TENM3: variants seen among roughly 807,000 people sequenced by gnomAD.
TENM3 encodes teneurin transmembrane protein 3, also known as teneurin-3.
In TENM3, 63 loss-of-function variants were observed where a neutral mutation model predicts 255.1. That is an observed-to-expected ratio of 0.25 (90% CI 0.20 to 0.30). TENM3 has a LOEUF of 0.30. TENM3 is among the 10% of genes least tolerant of loss of function. TENM3 has a pLI of 1.00. For synonymous variants in TENM3, 1,306 were observed against 1,322.3 expected, an observed-to-expected ratio of 0.99 and a Z score of 0.27; for missense variants, 2,929 against 3,461.1, an observed-to-expected ratio of 0.85 and a Z score of 3.86.
At chr4:181,856,001 AGG>A in the TENM3 span, among the ~76,000 whole-genome samples, 3 of 104,132 alleles carry the variant, frequency 2.9e-5, no homozygotes, top group African/African-American at 9.8e-5. Flanking sequence ...GAGGGAAGGA[AGG>A]AAGGAAGGAA....
the TENM3 span, among the ~76,000 whole-genome samples, chr4:181,872,258 A>T: frequency 7.9e-5 from 12 of 151,480 alleles, no homozygotes; most frequent in East Asian, 2.3e-3. Context: ...TATAATATTT[A>T]TATATCTATA....
chr4:181,980,057 C>A, the TENM3 span: 47 of 152,322 alleles, frequency 3.1e-4, no homozygotes, highest in East Asian at 8.9e-3. Context: ...GAAACTGAAC[C>A]CACTTTGCCT....
intron 1 of TENM3, among the ~76,000 whole-genome samples, chr4:182,181,132 T>C (rs916052657): frequency 6.6e-6 from 1 of 152,104 alleles, no homozygotes; most frequent in African/African-American, 2.4e-5. Flanking sequence ...AACCAACTAA[T>C]AAAACAGTAA....
Position 182,679,673 on chromosome 4 carries a change from T to C in TENM3, c.1334T>C (p.Phe445Ser). 2 of 1,611,924 alleles carry C rather than the reference T, an allele frequency of 1.2e-6. No homozygotes were observed. Among genetic ancestry groups the C allele is most frequent in the Non-Finnish European group, 1.7e-6 (2 of 1,179,410 alleles). The change falls in exon 8 of 28, where the codon TTC becomes TCC. Residue 445 changes from phenylalanine to serine, a missense_variant. Transcript: ENST00000511685. The stretch of plus-strand genomic sequence containing the variant: ...TCCTCGTCCTCCCCCCAGTATGACT[T>C]CGTGGAGCTCCTGGATGGCAGCAGG... Reference protein sequence around the residue: ...GLPPSHTQYDFVELLDGSRLI... With the variant: ...GLPPSHTQYDSVELLDGSRLI...
chr4:181,992,270 A>G, the TENM3 span, among the ~76,000 whole-genome samples: 1 of 152,178 alleles, frequency 6.6e-6, no homozygotes, highest in Non-Finnish European at 1.5e-5. Context: ...TTCAAACAGC[A>G]TGTTTTTAGT....
chr4:182,671,210 C>CAAGA (rs1179127625), intron 6 of TENM3, among the ~76,000 whole-genome samples: 4 of 152,178 alleles, frequency 2.6e-5, no homozygotes, highest in African/African-American at 7.2e-5. Flanking sequence ...CATTATGTTA[C>CAAGA]TCTCCCCATT....
intron 3 of TENM3, among the ~76,000 whole-genome samples, chr4:182,502,565 G>T (rs879553580): frequency 3.3e-5 from 5 of 151,886 alleles, no homozygotes; most frequent in Non-Finnish European, 7.4e-5. Flanking sequence ...GATTTTTACT[G>T]AATTTTCTTT....
At chr4:182,180,271 A>T (rs566640691) in intron 1 of TENM3, among the ~76,000 whole-genome samples, 1 of 152,178 alleles carries the variant, frequency 6.6e-6, no homozygotes, top group Non-Finnish European at 1.5e-5. Flanking sequence ...TGAACTGGAA[A>T]ATGTTGATGT....
At chr4:182,084,757 T>A in the TENM3 span, 1 of 152,220 alleles carries the variant, frequency 6.6e-6, no homozygotes, top group Non-Finnish European at 1.5e-5. Context: ...CAGTTGACCA[T>A]GACATCTTAG....
At chr4:182,704,798 T>C (rs1481498100) in intron 12 of TENM3, among the ~76,000 whole-genome samples, 1 of 151,144 alleles carries the variant, frequency 6.6e-6, no homozygotes, top group Non-Finnish European at 1.5e-5. Flanking sequence ...TTAAAGCACG[T>C]GTGCACACAT....
chr4:181,670,038 A>T, the TENM3 span, among the ~76,000 whole-genome samples: 1 of 152,208 alleles, frequency 6.6e-6, no homozygotes, highest in Non-Finnish European at 1.5e-5. Flanking sequence ...ATTTTCATAG[A>T]TATACTTTTT....
rs1169743228 is a variant in TENM3, at chr4:182,801,042, A to G, written c.*691A>G. 2 of 152,698 alleles carry G rather than the reference A, an allele frequency of 1.3e-5. No homozygotes were observed. The highest frequency in any genetic ancestry group is 2.4e-5 in the African/African-American group (1 of 41,474). 9.5% of individuals were successfully genotyped at this position (152,698 alleles called of 1,614,324 possible). ...TGGATTTTTATATGAATTACAATTT[A>G]CTGTACATCAAATCTTAGTCTCAGA... On this transcript the variant is annotated 3_prime_UTR_variant, in exon 28 of 28. Coordinates refer to ENST00000511685, the MANE Select transcript of TENM3 (RefSeq NM_001080477.4).
chr4:182,558,088 A>G (rs369814220), intron 3 of TENM3, among the ~76,000 whole-genome samples: 5 of 152,122 alleles, frequency 3.3e-5, no homozygotes, highest in Non-Finnish European at 7.3e-5. Flanking sequence ...TTTAAATGGC[A>G]TCTGAGGTAA....
At chr4:181,803,823 C>G in the TENM3 span, among the ~76,000 whole-genome samples, 1 of 151,552 alleles carries the variant, frequency 6.6e-6, no homozygotes, top group Non-Finnish European at 1.5e-5. Context: ...GTGGTCCCAG[C>G]TACTTGGGAG....
At chr4:182,470,344 G>T (rs1052934308) in intron 3 of TENM3, among the ~76,000 whole-genome samples, 1 of 152,100 alleles carries the variant, frequency 6.6e-6, no homozygotes, top group African/African-American at 2.4e-5. Flanking sequence ...GTTTCCCAGG[G>T]TAATCCATAC....
intron 3 of TENM3, among the ~76,000 whole-genome samples, chr4:182,354,225 T>G (rs1765374708): frequency 6.6e-6 from 1 of 152,228 alleles, no homozygotes; most frequent in Non-Finnish European, 1.5e-5. Context: ...ATATATGCCA[T>G]CTCTGTTTCA....
the TENM3 span, among the ~76,000 whole-genome samples, chr4:181,449,879 A>G: frequency 7.2e-5 from 11 of 152,218 alleles, no homozygotes; most frequent in Admixed American, 3.9e-4. Context: ...ATCAGTCTTC[A>G]TATTCTTTCA....
intron 3 of TENM3, among the ~76,000 whole-genome samples, chr4:182,480,736 T>C (rs1734118626): frequency 6.6e-6 from 1 of 152,212 alleles, no homozygotes; most frequent in South Asian, 2.1e-4. Flanking sequence ...ATAGATATTT[T>C]ATGAAATTTT....
chr4:181,871,072 T>C, the TENM3 span, among the ~76,000 whole-genome samples: 1 of 152,078 alleles, frequency 6.6e-6, no homozygotes, highest in South Asian at 2.1e-4. Flanking sequence ...CGTTGATGGG[T>C]CATATGTGTC....
Sources: gnomAD v4.1 joint callset for allele counts (sites outside exome capture counted in the v4.1 genomes callset) on GRCh38, gnomAD v4.1.1 for gene constraint, MANE v1.5 for transcripts, NCBI Gene and HGNC (gene_info 2026-07-23, HGNC 2026-07-21) for gene names.